Variants in FARS2 observed in about 807,000 individuals in gnomAD.
FARS2 encodes phenylalanine--tRNA ligase, mitochondrial.
In FARS2, 40 loss-of-function variants were observed where a neutral mutation model predicts 46.4. The ratio of observed to expected loss-of-function variants is 0.86; its 90% CI spans 0.67 to 1.12. The LOEUF is 1.12. FARS2 is among the 50% of genes most tolerant of loss of function. The pLI is 0.00. For synonymous variants in FARS2, 234 were observed against 214.9 expected (o/e 1.09, Z -0.78); for missense variants, 513 against 567.9 (o/e 0.90, Z 0.98).
intron 5 of FARS2, among the ~76,000 whole-genome samples, chr6:5,563,887 C>G (rs1772163159): frequency 6.6e-6 from 1 of 152,180 alleles, no homozygotes; most frequent in Admixed American, 6.5e-5. Flanking sequence ...CTGAGGCCGG[C>G]ATTTTCCCTG....
intron 6 of FARS2, chr6:5,667,900 C>A (rs564291827): frequency 6.6e-6 from 1 of 152,320 alleles, no homozygotes; most frequent in South Asian, 2.1e-4. Context: ...TGCTGGTGAT[C>A]GACTCTTAGA....
At chr6:5,703,102 T>A (rs1758540608) in intron 6 of FARS2, among the ~76,000 whole-genome samples, 1 of 152,152 alleles carries the variant, frequency 6.6e-6, no homozygotes, top group Non-Finnish European at 1.5e-5. Context: ...CAAATTACTT[T>A]TTTTAAAATT....
the FARS2 span, among the ~76,000 whole-genome samples, chr6:5,251,690 G>T: frequency 6.6e-6 from 1 of 152,244 alleles, no homozygotes; most frequent in East Asian, 1.9e-4. Flanking sequence ...CCAACACGGG[G>T]GATTGCATTT....
chr6:5,636,145 C>G (rs1216902901), intron 6 of FARS2, among the ~76,000 whole-genome samples: 1 of 151,796 alleles, frequency 6.6e-6, no homozygotes, highest in African/African-American at 2.4e-5. Context: ...TAATGAGCAT[C>G]CCCAAATTTA....
chr6:5,548,765 A>AT (rs565406368), intron 5 of FARS2, among the ~76,000 whole-genome samples: 3 of 152,006 alleles, frequency 2.0e-5, no homozygotes, highest in Admixed American at 2.0e-4. Context: ...ACTAAATGTC[A>AT]TTTTTTTTCT....
At chr6:5,571,159 G>A (rs755843583) in intron 5 of FARS2, among the ~76,000 whole-genome samples, 2 of 152,188 alleles carry the variant, frequency 1.3e-5, no homozygotes, top group Non-Finnish European at 2.9e-5. Context: ...CTGAACAAAT[G>A]AGGTAGAACC....
chr6:5,577,842 C>T (rs977795800), intron 5 of FARS2, among the ~76,000 whole-genome samples: 6 of 151,936 alleles, frequency 3.9e-5, no homozygotes, highest in African/African-American at 1.5e-4. Context: ...CACTCTGTCG[C>T]CCAGGCTGGA....
rs181308960 is a variant in FARS2 at position 5,724,766 on chromosome 6, G to A, written c.1218-46525G>A. ...TTCAGGACCACTCTTTGTAATCAGG[G>A]AATTCTTCTTTACATTGAGCCATAA... On this transcript the variant is annotated intron_variant, in intron 6 of 6. Transcript: ENST00000274680. Among the ~76,000 whole-genome samples, 356 of 152,304 alleles carry A rather than the reference G, an allele frequency of 2.3e-3. 2 individuals are homozygous for A. The highest frequency in any genetic ancestry group is 5.2e-3 in the Admixed American group (80 of 15,300).
intron 6 of FARS2, among the ~76,000 whole-genome samples, chr6:5,614,002 A>T (rs1308569404): frequency 6.6e-6 from 1 of 152,146 alleles, no homozygotes; most frequent in Non-Finnish European, 1.5e-5. Flanking sequence ...GGAAAAGGGC[A>T]CATGAGATGC....
upstream of FARS2, among the ~76,000 whole-genome samples, chr6:5,258,642 G>A (rs952025223): frequency 1.3e-5 from 2 of 152,178 alleles, no homozygotes; most frequent in African/African-American, 2.4e-5. Flanking sequence ...TATCTAGGGA[G>A]GTAATAGCAG....
chr6:5,497,092 T>C (rs1323963006), intron 4 of FARS2, among the ~76,000 whole-genome samples: 1 of 152,194 alleles, frequency 6.6e-6, no homozygotes, highest in Non-Finnish European at 1.5e-5. Context: ...AACTCCCTTA[T>C]AGGATGGTAC....
chr6:5,367,071 G>A (rs1210739537), intron 1 of FARS2, among the ~76,000 whole-genome samples: 2 of 152,206 alleles, frequency 1.3e-5, no homozygotes, highest in East Asian at 3.9e-4. Flanking sequence ...AGACAAAGGT[G>A]CTGTGCACAG....
intron 6 of FARS2, among the ~76,000 whole-genome samples, chr6:5,682,552 T>C (rs1779087944): frequency 6.6e-6 from 1 of 152,238 alleles, no homozygotes; most frequent in South Asian, 2.1e-4. Flanking sequence ...ATGTAAAACG[T>C]CCTGTGCTGG....
intron 1 of FARS2, among the ~76,000 whole-genome samples, chr6:5,304,169 C>A (rs1335319701): frequency 6.6e-6 from 1 of 152,194 alleles, no homozygotes; most frequent in African/African-American, 2.4e-5. Flanking sequence ...CCCACATTTA[C>A]CACCCTAAAA....
At chr6:5,659,753 A>T (rs1229705744) in intron 6 of FARS2, among the ~76,000 whole-genome samples, 1 of 152,240 alleles carries the variant, frequency 6.6e-6, no homozygotes, top group Admixed American at 6.5e-5. Flanking sequence ...GTTGAAGGAT[A>T]CAAGCATATA....
At chr6:5,399,156 TATTATTATTATTATTATTATC>T (rs1011605455) in intron 2 of FARS2, among the ~76,000 whole-genome samples, 1 of 133,570 alleles carries the variant, frequency 7.5e-6, no homozygotes, top group Non-Finnish European at 1.6e-5. Flanking sequence ...TTATTATTAT[TATTATTATTATTATTATTATC>T]ATCATCATCA....
Position 5,614,645 on chromosome 6 carries a change from C to T in FARS2, c.1217+1325C>T, listed in dbSNP as rs183931679. The stretch of plus-strand genomic sequence containing the variant: ...CCATCTCCTGACCTCATGATCCGCC[C>T]GCCTGGGCCTCCCAAAGTGCTGTGA... On this transcript the variant is annotated intron_variant, in intron 6 of 6. Transcript: ENST00000274680. 3.8e-3 allele frequency among the ~76,000 whole-genome samples: 580 copies of T among 152,266 alleles called. 4 individuals are homozygous for T. Among genetic ancestry groups the T allele is most frequent in the African/African-American group, 0.013 (558 of 41,548 alleles).
At chr6:5,673,549 G>C (rs566679149) in intron 6 of FARS2, among the ~76,000 whole-genome samples, 1 of 152,156 alleles carries the variant, frequency 6.6e-6, no homozygotes, top group Non-Finnish European at 1.5e-5. Flanking sequence ...TATGTTCCCC[G>C]TCATTTATGC....
chr6:5,255,762 G>A, the FARS2 span, among the ~76,000 whole-genome samples: 3 of 151,932 alleles, frequency 2.0e-5, no homozygotes, highest in Non-Finnish European at 4.4e-5. Context: ...CTAATTCTTT[G>A]TTAATGGGGG....
Sources: allele counts gnomAD v4.1 joint callset (sites outside exome capture counted in the v4.1 genomes callset), GRCh38; gene constraint gnomAD v4.1.1; transcripts MANE v1.5; gene names NCBI Gene and HGNC (gene_info 2026-07-23, HGNC 2026-07-21).